Variants in FTCDNL1 observed in about 807,000 individuals in gnomAD.
FTCDNL1 encodes formiminotransferase N-terminal subdomain-containing protein.
FTCDNL1 carries 11 observed loss-of-function variants against 5.9 expected under a neutral mutation model. The observed-to-expected ratio is 1.87, with a 90% CI of 1.18 to 3.10. The LOEUF is 3.10. Ranked by LOEUF, FTCDNL1 falls within the 30% of genes most tolerant of loss-of-function variation. The pLI, the probability that FTCDNL1 is intolerant of heterozygous loss-of-function variation, is 0.00. For synonymous variants in FTCDNL1, 58 were observed against 24.8 expected, an observed-to-expected ratio of 2.34 and a Z score of -3.99; for missense variants, 115 against 65.5, an observed-to-expected ratio of 1.76 and a Z score of -2.61.
chr2:199,844,894 T>C (rs867950934), intron 3 of FTCDNL1, among the ~76,000 whole-genome samples: 2 of 152,180 alleles, frequency 1.3e-5, no homozygotes, highest in South Asian at 2.1e-4. Flanking sequence ...TATATTAAAA[T>C]AGATACACAA....
the FTCDNL1 span, among the ~76,000 whole-genome samples, chr2:199,687,651 A>G: frequency 5.9e-5 from 9 of 152,138 alleles, no homozygotes; most frequent in Non-Finnish European, 1.2e-4. Context: ...TATATGGCCC[A>G]GGGATAGTTT....
chr2:199,821,953 A>G (rs1007182948), intron 3 of FTCDNL1, among the ~76,000 whole-genome samples: 7 of 152,262 alleles, frequency 4.6e-5, no homozygotes, highest in African/African-American at 1.7e-4. Flanking sequence ...CCACAGCAAT[A>G]AAGCAAATAT....
rs535774790 is a variant in FTCDNL1, at chr2:199,816,786, C to T, written c.397+2786G>A. The stretch of plus-strand genomic sequence containing the variant: ...CACAATACGGCCCCATTCTAGAACT[C>T]TTAATGCCCTTGTCCTGTTCAATAT... On this transcript the variant is annotated intron_variant, in intron 4 of 4. Coordinates refer to ENST00000420128, the MANE Select transcript of FTCDNL1 (RefSeq NM_001363886.2). Among the ~76,000 whole-genome samples the T allele has an allele frequency of 2.0e-5, 3 of 152,284 alleles. No individual in the cohort carries two copies. The East Asian group carries it at 5.8e-4, about 29-fold the overall frequency.
chr2:199,820,576 G>A (rs1049771651), intron 3 of FTCDNL1, among the ~76,000 whole-genome samples: 5 of 152,272 alleles, frequency 3.3e-5, no homozygotes, highest in Middle Eastern at 3.4e-3. Flanking sequence ...CATTTCCATC[G>A]CCACAGAAAG....
the FTCDNL1 span, among the ~76,000 whole-genome samples, chr2:199,671,805 T>C: frequency 6.6e-6 from 1 of 152,168 alleles, no homozygotes; most frequent in African/African-American, 2.4e-5. Flanking sequence ...CCTAAAGACC[T>C]GAGCACCATA....
At position 199,777,184 on chromosome 2, in the gene FTCDNL1, G is replaced by A. The variant is rs185389407; in HGVS notation, c.212-16349C>T. 2.3e-3 allele frequency among the ~76,000 whole-genome samples: 352 copies of A among 152,072 alleles called. 4 individuals carry two copies. Among genetic ancestry groups the A allele is most frequent in the South Asian group, 6.6e-3 (32 of 4,816 alleles). Reference sequence around the variant, plus strand: ...GGCATGCACCTGTAATCCCAGCTACGTGGGAGGCTGAGGCAGGAGAATCTC... The same window carrying A: ...GGCATGCACCTGTAATCCCAGCTACATGGGAGGCTGAGGCAGGAGAATCTC... On this transcript the variant is annotated intron_variant, in intron 3 of 3. Transcript: ENST00000416668.
At chr2:199,740,764 C>T in the FTCDNL1 span, among the ~76,000 whole-genome samples, 1 of 152,174 alleles carries the variant, frequency 6.6e-6, no homozygotes, top group African/African-American at 2.4e-5. Context: ...TCTGGAAACG[C>T]AACTCACATT....
intron 3 of FTCDNL1, among the ~76,000 whole-genome samples, chr2:199,776,165 G>C (rs1699060676): frequency 6.6e-6 from 1 of 152,042 alleles, no homozygotes; most frequent in South Asian, 2.1e-4. Flanking sequence ...ACCCACCTTG[G>C]CCAGGATCTC....
chr2:199,776,927 T>TATATATAC (rs745763683), intron 3 of FTCDNL1, among the ~76,000 whole-genome samples: 1 of 147,456 alleles, frequency 6.8e-6, no homozygotes, highest in African/African-American at 2.5e-5. Flanking sequence ...TATATATATA[T>TATATATAC]ACACACACAC....
the FTCDNL1 span, among the ~76,000 whole-genome samples, chr2:199,749,316 A>G: frequency 6.6e-6 from 1 of 152,190 alleles, no homozygotes; most frequent in Non-Finnish European, 1.5e-5. Flanking sequence ...ATACATGGCT[A>G]AAGGAAATCA....
intron 3 of FTCDNL1, among the ~76,000 whole-genome samples, chr2:199,761,502 G>T (rs1176954497): frequency 6.6e-6 from 1 of 152,194 alleles, no homozygotes; most frequent in Non-Finnish European, 1.5e-5. Context: ...ACACATCTCA[G>T]TGAGTACATG....
At chr2:199,667,848 G>A in the FTCDNL1 span, among the ~76,000 whole-genome samples, 16,952 of 152,110 alleles carry the variant, frequency 0.11, 1,251 homozygotes, top group Middle Eastern at 0.21. Flanking sequence ...CATAGTAAGT[G>A]CTCTATAGAA....
the FTCDNL1 span, among the ~76,000 whole-genome samples, chr2:199,681,920 T>C: frequency 6.6e-6 from 1 of 152,102 alleles, no homozygotes; most frequent in Non-Finnish European, 1.5e-5. Flanking sequence ...TGTGTGTGTG[T>C]GTGTGTGTGT....
At chr2:199,739,357 C>A in the FTCDNL1 span, among the ~76,000 whole-genome samples, 2 of 152,102 alleles carry the variant, frequency 1.3e-5, no homozygotes, top group South Asian at 2.1e-4. Flanking sequence ...ATGTGTGCTG[C>A]GAATTTTTTA....
intron 3 of FTCDNL1, among the ~76,000 whole-genome samples, chr2:199,804,159 A>G (rs973569610): frequency 1.2e-4 from 19 of 152,238 alleles, no homozygotes; most frequent in Admixed American, 2.6e-4. Flanking sequence ...TTTTGTAACA[A>G]TGGATCCTAG....
At chr2:199,696,642 A>C in the FTCDNL1 span, among the ~76,000 whole-genome samples, 1 of 152,216 alleles carries the variant, frequency 6.6e-6, no homozygotes, top group Non-Finnish European at 1.5e-5. Flanking sequence ...AAGCAAAAAA[A>C]AAAAATCCAT....
intron 3 of FTCDNL1, among the ~76,000 whole-genome samples, chr2:199,783,894 T>G (rs1699499927): frequency 6.6e-6 from 1 of 151,880 alleles, no homozygotes; most frequent in African/African-American, 2.4e-5. Context: ...CATGCTACAA[T>G]GCTAGCTTTT....
intron 3 of FTCDNL1, among the ~76,000 whole-genome samples, chr2:199,791,973 A>C (rs1471904376): frequency 6.6e-6 from 1 of 152,172 alleles, no homozygotes; most frequent in Non-Finnish European, 1.5e-5. Context: ...TAAAAGAATT[A>C]GCTACGTTAT....
chr2:199,734,017 G>T, the FTCDNL1 span, among the ~76,000 whole-genome samples: 3 of 151,502 alleles, frequency 2.0e-5, no homozygotes, highest in African/African-American at 7.2e-5. Flanking sequence ...CAAACATAAA[G>T]ATTATAAAGT....
Sources: allele counts gnomAD v4.1 joint callset (sites outside exome capture counted in the v4.1 genomes callset), GRCh38; gene constraint gnomAD v4.1.1; transcripts MANE v1.5; gene names NCBI Gene and HGNC (gene_info 2026-07-23, HGNC 2026-07-21).